Variants in JAK1 observed in about 807,000 individuals in gnomAD.
The protein encoded by JAK1 is Janus kinase 1, also known as tyrosine-protein kinase JAK1.
In JAK1, 16 loss-of-function variants were observed where a neutral mutation model predicts 136.6. The observed-to-expected ratio is 0.12, with a 90% CI of 0.08 to 0.18. JAK1 has a LOEUF of 0.18. Among genes scored for constraint, JAK1 ranks in the 10% least tolerant of loss-of-function variants. JAK1 has a pLI of 1.00. For missense variants in JAK1, 859 were observed against 1,450.1 expected, an observed-to-expected ratio of 0.59 and a Z score of 6.62; for synonymous variants, 492 against 519.5, an observed-to-expected ratio of 0.95 and a Z score of 0.72.
chr1:64,875,377 C>T (rs1024492867), intron 4 of JAK1, among the ~76,000 whole-genome samples: 4 of 152,178 alleles, frequency 2.6e-5, no homozygotes, highest in African/African-American at 4.8e-5. Flanking sequence ...GAAACGGAAG[C>T]GGCAGAGAGA....
At chr1:64,960,236 A>C (rs532564215) in intron 1 of JAK1, among the ~76,000 whole-genome samples, 1 of 152,320 alleles carries the variant, frequency 6.6e-6, no homozygotes, top group East Asian at 1.9e-4. Flanking sequence ...TCAAAATAAA[A>C]TAAAATGTAA....
At chr1:65,004,652 A>G (rs1646789262) in intron 2 of JAK1, among the ~76,000 whole-genome samples, 1 of 152,266 alleles carries the variant, frequency 6.6e-6, no homozygotes, top group African/African-American at 2.4e-5. Context: ...TGAAGATCAA[A>G]GGAATCAAGA....
chr1:64,941,547 G>T (rs1025462754), intron 1 of JAK1, among the ~76,000 whole-genome samples: 1 of 152,116 alleles, frequency 6.6e-6, no homozygotes, highest in Non-Finnish European at 1.5e-5. Flanking sequence ...ATTTCCCATG[G>T]TTAGAATAAA....
chr1:64,896,459 G>A (rs906916213), intron 1 of JAK1, among the ~76,000 whole-genome samples: 1 of 152,182 alleles, frequency 6.6e-6, no homozygotes, highest in African/African-American at 2.4e-5. Context: ...AAGACTGAAG[G>A]ATAATTTGCA....
chr1:64,977,415 G>A (rs904633906), intron 2 of JAK1, among the ~76,000 whole-genome samples: 10 of 150,648 alleles, frequency 6.6e-5, no homozygotes, highest in Non-Finnish European at 1.5e-4. Flanking sequence ...GCATCCCAAA[G>A]TACTGGGATT....
At chr1:65,010,650 C>T (rs769681034) in intron 2 of JAK1, among the ~76,000 whole-genome samples, 14 of 152,174 alleles carry the variant, frequency 9.2e-5, no homozygotes, top group Non-Finnish European at 1.6e-4. Flanking sequence ...CAATTTGTTA[C>T]ATGGCAATAG....
At position 64,838,597 on chromosome 1, in the gene JAK1, G is replaced by GA. The variant is rs1377246598; in HGVS notation, c.2843-9dup. The GA allele has an allele frequency of 5.0e-6, 8 of 1,612,430 alleles. No homozygotes were observed. Among genetic ancestry groups the GA allele is most frequent in the Non-Finnish European group, 5.9e-6 (7 of 1,179,830 alleles). On this transcript the variant is annotated splice_polypyrimidine_tract_variant and intron_variant, in intron 20 of 24. Transcript: ENST00000342505. ...GCTTAATACCATTTCCTCCTGTTTA[G>GA]AAAAAACATCCATCAGTCTGAGGCT...
chr1:64,847,959 A>G (rs1655344301), intron 12 of JAK1: 1 of 403,292 alleles, frequency 2.5e-6, no homozygotes, highest in Non-Finnish European at 4.5e-6. Context: ...ACACAGTCCT[A>G]ACATGTCAGG....
intron 8 of JAK1, among the ~76,000 whole-genome samples, chr1:64,861,659 G>A (rs1290871021): frequency 1.3e-5 from 2 of 152,228 alleles, no homozygotes; most frequent in African/African-American, 4.8e-5. Flanking sequence ...TGAGAGGACA[G>A]TGAAGGGAAA....
At chr1:64,985,173 G>C in intron 2 of JAK1, 1 of 1,437,384 alleles carries the variant, frequency 7.0e-7, no homozygotes, top group Non-Finnish European at 9.8e-7. Flanking sequence ...CACACCAATG[G>C]TGACACAGAT....
chr1:65,004,576 G>A (rs766721522), intron 2 of JAK1, among the ~76,000 whole-genome samples: 8 of 152,142 alleles, frequency 5.3e-5, no homozygotes, highest in Non-Finnish European at 8.8e-5. Flanking sequence ...TGTCTTTGAC[G>A]TTTCTAGGCT....
intron 1 of JAK1, among the ~76,000 whole-genome samples, chr1:64,924,534 C>G (rs991771204): frequency 2.0e-5 from 3 of 152,204 alleles, no homozygotes; most frequent in African/African-American, 7.2e-5. Flanking sequence ...CAGCTGTGCT[C>G]TGCTATGAGG....
chr1:64,926,857 C>T (rs11208539), intron 1 of JAK1, among the ~76,000 whole-genome samples: 89,843 of 152,022 alleles, frequency 0.59, 31,261 homozygotes, highest in Middle Eastern at 0.82. Context: ...ATCTGTAAAA[C>T]AATGATCGTA....
chr1:65,065,734 G>T lies in JAK1; in HGVS notation c.-181+1870C>A, dbSNP rs143181730. ...AAAAGGGGCCAGGGTGGGGCCTGGG[G>T]AAAGAAAGCCAGAGACAGGCTGCTT... On this transcript the variant is annotated intron_variant, in intron 1 of 25. Coordinates refer to the JAK1 transcript ENST00000671954. 4.4e-3 allele frequency among the ~76,000 whole-genome samples: 661 copies of T among 150,800 alleles called. 6 individuals carry two copies. The highest frequency in any genetic ancestry group is 0.015 in the African/African-American group (634 of 40,988).
intron 1 of JAK1, among the ~76,000 whole-genome samples, chr1:65,053,958 T>C (rs932391696): frequency 6.6e-6 from 1 of 152,222 alleles, no homozygotes; most frequent in Non-Finnish European, 1.5e-5. Flanking sequence ...GCTAGCTGTC[T>C]GCTCCAACTC....
chr1:65,038,204 T>G (rs1647094665), intron 2 of JAK1, among the ~76,000 whole-genome samples: 1 of 150,132 alleles, frequency 6.7e-6, no homozygotes, highest in Non-Finnish European at 1.5e-5. Context: ...TTTTCTTTTT[T>G]TTTTTTTTTT....
intron 1 of JAK1, among the ~76,000 whole-genome samples, chr1:64,902,583 A>AGAGAGAGAGAGAGAGAGAGGGT: frequency 1.4e-5 from 1 of 73,758 alleles, no homozygotes; most frequent in African/African-American, 6.2e-5. Context: ...AGAGAGAGAG[A>AGAGAGAGAGAGAGAGAGAGGGT]GTGTGTGTGT....
chr1:64,838,712 C>T (rs2100949432), intron 20 of JAK1, 123 bp from the exon 21 acceptor site: 1 of 879,778 alleles, frequency 1.1e-6, no homozygotes, highest in Middle Eastern at 2.8e-4. Context: ...TCATTACAGG[C>T]ATGTTACTTG....
intron 1 of JAK1, among the ~76,000 whole-genome samples, chr1:64,943,682 A>G (rs1450081230): frequency 6.6e-6 from 1 of 152,166 alleles, no homozygotes; most frequent in East Asian, 1.9e-4. Context: ...CAAAAGCAGA[A>G]GCCTTTATAA....
Sources: gnomAD v4.1 joint callset for allele counts (sites outside exome capture counted in the v4.1 genomes callset) on GRCh38, gnomAD v4.1.1 for gene constraint, MANE v1.5 for transcripts, NCBI Gene and HGNC (gene_info 2026-07-23, HGNC 2026-07-21) for gene names.